Variants in ARHGEF37 observed in about 807,000 individuals in gnomAD.
The protein encoded by ARHGEF37 is Rho guanine nucleotide exchange factor 37.
Under a neutral mutation model 71.1 loss-of-function variants are expected in ARHGEF37, and 55 were observed. The observed-to-expected ratio is 0.77, with a 90% confidence interval of 0.62 to 0.97. ARHGEF37 has a LOEUF of 0.97. Among genes scored for constraint, ARHGEF37 ranks in the 50% least tolerant of loss-of-function variants. ARHGEF37 has a pLI of 0.00. For missense variants in ARHGEF37, 765 were observed against 836.8 expected, an observed-to-expected ratio of 0.91 and a Z score of 1.06; for synonymous variants, 327 against 350.6, an observed-to-expected ratio of 0.93 and a Z score of 0.75.
upstream of ARHGEF37, among the ~76,000 whole-genome samples, chr5:149,576,953 GTCTGA>G (rs1327254519): frequency 6.6e-5 from 6 of 91,466 alleles, no homozygotes; most frequent in Non-Finnish European, 1.0e-4. Flanking sequence ...GAGAGACTCT[GTCTGA>G]AAAAAAAAAT....
At chr5:149,629,049 A>G in intron 12 of ARHGEF37, 83 bp downstream of exon 12, 3 of 1,472,316 alleles carry the variant, frequency 2.0e-6, no homozygotes, top group Non-Finnish European at 2.7e-6. Flanking sequence ...CTCAAAGTCT[A>G]TGCCCCTCCT....
At position 149,634,844 on chromosome 5, in the gene ARHGEF37, T is replaced by C. The variant is rs1298113731; in HGVS notation, c.*2653T>C. ...AACCCCTCAGGCCCCAACTCAGTTG[T>C]GGAGATGAGGACAAGATTACAATAT... On this transcript the variant is annotated 3_prime_UTR_variant, in exon 13 of 13. Transcript: ENST00000333677. The C allele has an allele frequency of 6.6e-6, 1 of 152,482 alleles. No homozygotes were observed. Among genetic ancestry groups the C allele is most frequent in the Non-Finnish European group, 1.5e-5 (1 of 67,998 alleles). The allele number at this position is 152,482 out of a possible 1,614,324, so 9.4% of individuals were successfully genotyped here. A position where few individuals can be genotyped will look rare whatever the true frequency, so the allele number is the denominator to read the frequency against.
chr5:149,627,943 G>A (rs923275764), intron 11 of ARHGEF37, among the ~76,000 whole-genome samples: 1 of 152,210 alleles, frequency 6.6e-6, no homozygotes, highest in Non-Finnish European at 1.5e-5. Flanking sequence ...GCATTTTAAT[G>A]TGTATTAGAA....
At chr5:149,627,910 A>G (rs558291144) in intron 11 of ARHGEF37, among the ~76,000 whole-genome samples, 8 of 152,240 alleles carry the variant, frequency 5.3e-5, no homozygotes, top group Non-Finnish European at 1.2e-4. Flanking sequence ...CCCTTCAGAC[A>G]GTGTATTATA....
At chr5:149,629,860 T>C (rs1033571096) in intron 12 of ARHGEF37, among the ~76,000 whole-genome samples, 6 of 152,180 alleles carry the variant, frequency 3.9e-5, no homozygotes, top group Non-Finnish European at 5.9e-5. Flanking sequence ...TATTCAGCCA[T>C]AGAGACGAAT....
At position 149,616,732 on chromosome 5, in the gene ARHGEF37, CAA is replaced by C; in HGVS notation, c.625_626del (p.Asn209TyrfsTer3). 1 of 1,613,046 alleles carries C rather than the reference CAA, an allele frequency of 6.2e-7. No homozygotes were observed. The highest frequency in any genetic ancestry group is 8.5e-7 in the Non-Finnish European group (1 of 1,179,148). ...TCTCTGCCCTCCAGGACGTGAACAC[CAA>C]TATCAATGAGTACAAGATGCGCAAG... ...AVSALQDVNT[N>X]INEYKMRKEV... On this transcript the variant is annotated frameshift_variant, in exon 5 of 13. Coordinates refer to ENST00000333677, the MANE Select transcript of ARHGEF37 (RefSeq NM_001001669.3). LOFTEE classifies it high-confidence loss of function.
At chr5:149,573,197 C>T (rs542029450) in intron 1 of ARHGEF37, among the ~76,000 whole-genome samples, 6 of 152,128 alleles carry the variant, frequency 3.9e-5, no homozygotes, top group East Asian at 1.9e-4. Context: ...AAGACACCCA[C>T]GAGGGTAAAG....
chr5:149,603,514 A>G (rs1378731292), intron 3 of ARHGEF37, among the ~76,000 whole-genome samples: 1 of 152,214 alleles, frequency 6.6e-6, no homozygotes, highest in Non-Finnish European at 1.5e-5. Context: ...GTAGAAGGTG[A>G]GACTTAAAGC....
intron 1 of ARHGEF37, among the ~76,000 whole-genome samples, chr5:149,559,682 A>G (rs566957161): frequency 6.6e-6 from 1 of 152,344 alleles, no homozygotes; most frequent in South Asian, 2.1e-4. Context: ...ATGTTTTGAT[A>G]TAGTTTGTGG....
chr5:149,598,737 C>CATATATATATAT lies in ARHGEF37; in HGVS notation c.186+783_186+794dup, dbSNP rs201234693. Among the ~76,000 whole-genome samples, 22 of 104,640 alleles carry CATATATATATAT rather than the reference C, an allele frequency of 2.1e-4. 1 individual carries two copies. Among genetic ancestry groups the CATATATATATAT allele is most frequent in the African/African-American group, 7.7e-4 (22 of 28,576 alleles). The allele number at this position is 104,640 out of a possible 152,430, so 68.6% of individuals were successfully genotyped here. ...ACAGAATTCCAGAAAAAATAAATCTCATATATATATATCTATATATAGATA... is the reference window on the plus strand; with the variant it reads ...ACAGAATTCCAGAAAAAATAAATCTCATATATATATATATATATATATATCTATATATAGATA... On this transcript the variant is annotated intron_variant, in intron 2 of 12. Coordinates refer to ENST00000333677, the MANE Select transcript of ARHGEF37 (RefSeq NM_001001669.3).
chr5:149,556,051 T>G (rs567743676), intron 1 of ARHGEF37, among the ~76,000 whole-genome samples: 1 of 152,136 alleles, frequency 6.6e-6, no homozygotes, highest in African/African-American at 2.4e-5. Flanking sequence ...GTGCTTTGAG[T>G]GAAATGATAG....
chr5:149,585,833 T>G (rs1258492343), intron 1 of ARHGEF37, among the ~76,000 whole-genome samples: 2 of 152,238 alleles, frequency 1.3e-5, no homozygotes, highest in Non-Finnish European at 2.9e-5. Flanking sequence ...TTTTTCATTT[T>G]ACATAAAATT....
chr5:149,603,648 C>T (rs1177467047), intron 3 of ARHGEF37, among the ~76,000 whole-genome samples: 1 of 152,096 alleles, frequency 6.6e-6, no homozygotes, highest in African/African-American at 2.4e-5. Context: ...TTAAAAAGCA[C>T]CTGTAGGCCA....
At chr5:149,590,736 C>G (rs1247373212) in intron 1 of ARHGEF37, among the ~76,000 whole-genome samples, 2 of 151,840 alleles carry the variant, frequency 1.3e-5, no homozygotes, top group Admixed American at 1.3e-4. Context: ...AGCTGGGACT[C>G]CAGATGTGCA....
At chr5:149,604,631 C>T (rs1000175249) in intron 3 of ARHGEF37, among the ~76,000 whole-genome samples, 4 of 151,328 alleles carry the variant, frequency 2.6e-5, no homozygotes, top group Non-Finnish European at 2.9e-5. Context: ...GCCCCTAGGC[C>T]TTGCTATGCA....
chr5:149,597,680 G>A (rs1028391971), intron 1 of ARHGEF37, 79 bp from the exon 2 acceptor site: 10 of 1,327,884 alleles, frequency 7.5e-6, no homozygotes, highest in Middle Eastern at 2.8e-4. Context: ...CTCTTGATGA[G>A]TAATTGTCAT....
At chr5:149,589,501 GTT>G (rs1009727294) in intron 1 of ARHGEF37, among the ~76,000 whole-genome samples, 1 of 151,514 alleles carries the variant, frequency 6.6e-6, no homozygotes, top group Non-Finnish European at 1.5e-5. Flanking sequence ...CTAATTTTTT[GTT>G]TTGTTTTGTT....
chr5:149,584,814 G>T (rs1028741870), intron 1 of ARHGEF37, among the ~76,000 whole-genome samples: 2 of 151,954 alleles, frequency 1.3e-5, no homozygotes, highest in Admixed American at 6.6e-5. Context: ...TAGAGACAGG[G>T]TTTCACCATG....
rs554363171 is a variant in ARHGEF37 at position 149,620,412 on chromosome 5, T to C, written c.953T>C (p.Val318Ala). The C allele has an allele frequency of 6.2e-7, 1 of 1,612,950 alleles. No individual in the cohort carries two copies. The highest frequency in any genetic ancestry group is 1.1e-5 in the South Asian group (1 of 90,816). Residue 318 changes from valine (V) to alanine (A), a missense_variant, in exon 8 of 13, where the codon GTG (valine) becomes GCG (alanine). Physicochemically the swap from Val to Ala is moderately conservative, Grantham distance 64 (BLOSUM62 0). Transcript: ENST00000333677. ...CTGGACATCCCCGAGGGGCCTGCAG[T>C]GCAGTATTGCAATTTGGCAAGAGAC... ...YNLDIPEGPA[V>A]QYCNLARDLH...
Sources: gnomAD v4.1 joint callset for allele counts (sites outside exome capture counted in the v4.1 genomes callset) on GRCh38, gnomAD v4.1.1 for gene constraint, MANE v1.5 for transcripts, NCBI Gene and HGNC (gene_info 2026-07-23, HGNC 2026-07-21) for gene names.